The following SMIM36 variants were observed in gnomAD, a reference collection of about 807,000 sequenced individuals.
SMIM36 encodes the protein small integral membrane protein 36.
chr17:55,521,338 A>T, the SMIM36 span, among the ~76,000 whole-genome samples: 4 of 152,366 alleles, frequency 2.6e-5, no homozygotes, highest in South Asian at 2.1e-4. Flanking sequence ...AAATAATTGC[A>T]TCATGCTAGC....
chr17:55,479,112 T>A (rs1306530757), intron 2 of SMIM36, among the ~76,000 whole-genome samples: 1 of 152,156 alleles, frequency 6.6e-6, no homozygotes, highest in African/African-American at 2.4e-5. Flanking sequence ...GACAATGACT[T>A]CCAAGGACAG....
At chr17:55,487,393 A>G (rs1842116009) in intron 1 of SMIM36, among the ~76,000 whole-genome samples, 1 of 152,198 alleles carries the variant, frequency 6.6e-6, no homozygotes, top group Non-Finnish European at 1.5e-5. Flanking sequence ...GGAGTTTAGG[A>G]CAGGGTTCTA....
chr17:55,505,511 T>C, intron 1 of SMIM36, among the ~76,000 whole-genome samples: 1 of 69,940 alleles, frequency 1.4e-5, no homozygotes, highest in Admixed American at 1.4e-4. Context: ...AAAAGGCCTT[T>C]GACAAAATAC....
chr17:55,519,241 T>G, the SMIM36 span, among the ~76,000 whole-genome samples: 1,394 of 152,212 alleles, frequency 9.2e-3, 22 homozygotes, highest in African/African-American at 0.033. Context: ...GTTAAGCAGA[T>G]TGGAGGTTAG....
chr17:55,484,885 C>T (rs1162437178), intron 1 of SMIM36, among the ~76,000 whole-genome samples: 1 of 152,166 alleles, frequency 6.6e-6, no homozygotes, highest in African/African-American at 2.4e-5. Context: ...GGCAAGAAAG[C>T]TTGTTCTAGA....
intron 4 of SMIM36, among the ~76,000 whole-genome samples, chr17:55,452,102 C>CAAAAAAAAA (rs1156887430): frequency 1.9e-5 from 1 of 51,764 alleles, no homozygotes; most frequent in Non-Finnish European, 3.4e-5. Flanking sequence ...TCAATCTCTA[C>CAAAAAAAAA]AAAAAAAAAA....
At chr17:55,530,231 A>T in the SMIM36 span, among the ~76,000 whole-genome samples, 5 of 152,190 alleles carry the variant, frequency 3.3e-5, no homozygotes, top group Admixed American at 2.6e-4. Context: ...AGATTGACTG[A>T]GGTGGTAAAG....
At chr17:55,519,559 G>A in the SMIM36 span, among the ~76,000 whole-genome samples, 10 of 152,208 alleles carry the variant, frequency 6.6e-5, no homozygotes, top group Non-Finnish European at 1.5e-4. Context: ...AAGACCATTA[G>A]AGTGTATAGC....
chr17:55,464,071 C>T (rs1384092171), intron 4 of SMIM36, among the ~76,000 whole-genome samples: 4 of 151,452 alleles, frequency 2.6e-5, no homozygotes, highest in Admixed American at 6.6e-5. Flanking sequence ...TCTGAGATCA[C>T]GCCACTGCAC....
chr17:55,515,869 C>A (rs1376254614), upstream of SMIM36, among the ~76,000 whole-genome samples: 1 of 152,246 alleles, frequency 6.6e-6, no homozygotes, highest in Non-Finnish European at 1.5e-5. Flanking sequence ...TACTACCTAT[C>A]TAATGTGTGA....
intron 4 of SMIM36, among the ~76,000 whole-genome samples, chr17:55,459,287 T>G (rs1909093407): frequency 6.6e-6 from 1 of 152,246 alleles, no homozygotes; most frequent in Non-Finnish European, 1.5e-5. Context: ...CATCTCTAGG[T>G]GACCTGGGCT....
chr17:55,522,109 C>G, the SMIM36 span, among the ~76,000 whole-genome samples: 3 of 152,316 alleles, frequency 2.0e-5, no homozygotes, highest in Admixed American at 6.5e-5. Context: ...TAACCTACCT[C>G]TGTCCTCTCA....
chr17:55,470,616 C>T (rs59196520), intron 3 of SMIM36, among the ~76,000 whole-genome samples: 1 of 152,250 alleles, frequency 6.6e-6, no homozygotes, highest in East Asian at 1.9e-4. Context: ...GACATTTTAA[C>T]TAAATTATCT....
At chr17:55,508,210 C>G (rs1307643568) in intron 1 of SMIM36, among the ~76,000 whole-genome samples, 2 of 151,700 alleles carry the variant, frequency 1.3e-5, no homozygotes, top group African/African-American at 2.4e-5. Flanking sequence ...GTTTCATAGC[C>G]CAACATCCCC....
intron 1 of SMIM36, among the ~76,000 whole-genome samples, chr17:55,486,681 G>A (rs8075529): frequency 0.31 from 47,050 of 151,850 alleles, 7,800 homozygotes; most frequent in Non-Finnish European, 0.37. Flanking sequence ...CGTGCATCGT[G>A]CCCTACCTTA....
chr17:55,508,347 A>C (rs1205446460), intron 1 of SMIM36, among the ~76,000 whole-genome samples: 6 of 150,856 alleles, frequency 4.0e-5, no homozygotes, highest in Admixed American at 1.3e-4. Context: ...AACAAACAAA[A>C]AAAGAAATAC....
At chr17:55,484,247 G>T (rs74576103) in intron 1 of SMIM36, among the ~76,000 whole-genome samples, 12,168 of 152,150 alleles carry the variant, frequency 0.08, 533 homozygotes, top group South Asian at 0.15. Context: ...ACCATTAAAA[G>T]GAAAGAGTTA....
the SMIM36 span, among the ~76,000 whole-genome samples, chr17:55,517,786 G>T: frequency 6.6e-6 from 1 of 152,188 alleles, no homozygotes; most frequent in Non-Finnish European, 1.5e-5. Flanking sequence ...TAGTGGAAAA[G>T]TCAGTGTTGC....
chr17:55,474,822 T>C (rs186407549), intron 3 of SMIM36, among the ~76,000 whole-genome samples: 61 of 152,244 alleles, frequency 4.0e-4, no homozygotes, highest in African/African-American at 1.4e-3. Context: ...CTAGGAACTA[T>C]GTTGAAAAAT....
Sources: gnomAD v4.1 joint callset for allele counts (sites outside exome capture counted in the v4.1 genomes callset) on GRCh38, gnomAD v4.1.1 for gene constraint, MANE v1.5 for transcripts, NCBI Gene and HGNC (gene_info 2026-07-23, HGNC 2026-07-21) for gene names.